AMOTL2: variants seen among roughly 807,000 people sequenced by gnomAD.
AMOTL2 encodes angiomotin like 2.
In AMOTL2, 33 loss-of-function variants were observed where a neutral mutation model predicts 78.4. That is an observed-to-expected ratio of 0.42 (90% CI 0.32 to 0.56). The LOEUF (loss-of-function observed/expected upper bound fraction) is 0.56. Among genes scored for constraint, AMOTL2 ranks in the 20% least tolerant of loss-of-function variants. The pLI is 0.12. For missense variants in AMOTL2, 983 were observed against 1,030.1 expected (o/e 0.95, Z 0.63); for synonymous variants, 422 against 428.8 (o/e 0.98, Z 0.20).
At chr3:134,360,756 A>G (rs2017319733) in intron 6 of AMOTL2, among the ~76,000 whole-genome samples, 1 of 152,176 alleles carries the variant, frequency 6.6e-6, no homozygotes, top group Non-Finnish European at 1.5e-5. Flanking sequence ...TAGGTTTGGG[A>G]GTGGAGAAAT....
chr3:134,373,477 C>T (rs2017957308), intron 1 of AMOTL2: 2 of 985,536 alleles, frequency 2.0e-6, no homozygotes, highest in Non-Finnish European at 2.4e-6. Context: ...AACGCCTGGG[C>T]CTTTACAAAA....
At position 134,370,694 on chromosome 3, in the gene AMOTL2, A is replaced by T. The variant is rs764889116; in HGVS notation, c.734+6T>A. 3 of 1,508,232 alleles carry T rather than the reference A, an allele frequency of 2.0e-6. No homozygotes were observed. 93.4% of individuals were successfully genotyped at this position (1,508,232 alleles called of 1,614,324 possible). A position where few individuals can be genotyped will look rare whatever the true frequency, so the allele number is the denominator to read the frequency against. ...GAGTTGGAAAGCCCAAGGTGGGGAG[A>T]GTTACCTGACTTCAGCATGCTGGAA... On this transcript the variant is annotated splice_donor_region_variant and intron_variant, in intron 2 of 9. Coordinates refer to ENST00000249883, the MANE Select transcript of AMOTL2 (RefSeq NM_016201.4).
chr3:134,364,944 C>T (rs962649807), intron 5 of AMOTL2, among the ~76,000 whole-genome samples: 15 of 152,116 alleles, frequency 9.9e-5, no homozygotes, highest in Admixed American at 8.5e-4. Context: ...TGCTGCTGAG[C>T]TCAGGGCTCC....
At chr3:134,362,368 G>A (rs1463097752) in intron 5 of AMOTL2, among the ~76,000 whole-genome samples, 1 of 152,162 alleles carries the variant, frequency 6.6e-6, no homozygotes, top group African/African-American at 2.4e-5. Context: ...AACTTATAGG[G>A]GAGAAACATA....
In AMOTL2 at chr3:134,361,424, CCCTGGCCTCCAAA is replaced by C. The variant is rs1373120991; in HGVS notation, c.1575+75_1575+87del. ...TAAGCAGGGGCTCCCGGGGCCTCAG[CCCTGGCCTCCAAA>C]CCTACAGTCCCCGAGGAGGAAGGGA... is the stretch of plus-strand genomic sequence containing the variant. On this transcript the variant is annotated intron_variant, in intron 6 of 9. Coordinates refer to ENST00000249883, the MANE Select transcript of AMOTL2 (RefSeq NM_016201.4). 2.8e-6 allele frequency: 4 copies of C among 1,438,032 alleles called. No individual in the cohort carries two copies. In the African/African-American group the frequency reaches 5.7e-5, roughly 20 times the overall value. 89.1% of individuals were successfully genotyped at this position (1,438,032 alleles called of 1,614,324 possible).
At chr3:134,372,939 T>C (rs1413393744) in intron 1 of AMOTL2, among the ~76,000 whole-genome samples, 5 of 15,410 alleles carry the variant, frequency 3.2e-4, no homozygotes, top group African/African-American at 1.4e-3. Context: ...TGGGCAGGGG[T>C]TGGGGGGGTG....
At chr3:134,371,696 T>C in intron 1 of AMOTL2, 1 of 802,446 alleles carries the variant, frequency 1.2e-6, no homozygotes, top group South Asian at 3.2e-5. Flanking sequence ...TCTCTGAGCC[T>C]CAGTTTCTCC....
chr3:134,371,821 A>C, intron 1 of AMOTL2: 1 of 283,726 alleles, frequency 3.5e-6, no homozygotes, highest in African/African-American at 2.1e-5. Flanking sequence ...ACTAATGATA[A>C]CATTCATGGA....
At chr3:134,369,383 C>T (rs1189687604) in intron 2 of AMOTL2, among the ~76,000 whole-genome samples, 1 of 152,212 alleles carries the variant, frequency 6.6e-6, no homozygotes, top group Non-Finnish European at 1.5e-5. Flanking sequence ...ACTTGCTTTC[C>T]TTTCTCCTCG....
rs2017078028 is a variant in AMOTL2 at position 134,356,320 on chromosome 3, A to T, written c.*1385T>A. Reference sequence around the variant, plus strand: ...CAAACCTAAAAACGATAAAGGAAGAAAACAAAGAATCAAGGAGAACTAAAA... The same window carrying T: ...CAAACCTAAAAACGATAAAGGAAGATAACAAAGAATCAAGGAGAACTAAAA... On this transcript the variant is annotated 3_prime_UTR_variant, in exon 10 of 10. Transcript: ENST00000249883. 6.6e-6 allele frequency: 1 copy of T among 152,612 alleles called. No individual in the cohort carries two copies. The highest frequency in any genetic ancestry group is 2.4e-5 in the African/African-American group (1 of 41,472). The allele number at this position is 152,612 out of a possible 1,614,324, so 9.5% of individuals were successfully genotyped here.
rs754053451 is a variant in AMOTL2 at position 134,358,735 on chromosome 3, G to A, written c.2105-16C>T. On this transcript the variant is annotated splice_polypyrimidine_tract_variant and intron_variant, in intron 8 of 9. Coordinates refer to ENST00000249883, the MANE Select transcript of AMOTL2 (RefSeq NM_016201.4). The stretch of plus-strand genomic sequence containing the variant: ...GCTCTGTCTGCTGGAAAGGTAGGTG[G>A]ATGGTTATTGCCATGCCTGTAAGAT... The A allele has an allele frequency of 4.3e-6, 7 of 1,613,782 alleles. No individual in the cohort carries two copies. The highest frequency in any genetic ancestry group is 5.9e-6 in the Non-Finnish European group (7 of 1,179,946).
In AMOTL2 at chr3:134,367,740, C is replaced by T. The variant is rs758923826; in HGVS notation, c.798G>A (p.Gln266=). Reference sequence around the variant, plus strand: ...GGGGAGGGGGGTGCTCCTGAGATTGCTGCAGGTACTGGTACTGCTGCTGCT... The same window carrying T: ...GGGGAGGGGGGTGCTCCTGAGATTGTTGCAGGTACTGGTACTGCTGCTGCT... ...LQQQQQYQYL[Q]QSQEHPPPPH... Residue 266 remains glutamine (Q), a synonymous_variant, in exon 3 of 10, where the codon CAG becomes CAA. Transcript: ENST00000249883. 7.4e-6 allele frequency: 12 copies of T among 1,613,790 alleles called. No individual in the cohort carries two copies. In the South Asian group the frequency reaches 1.2e-4, roughly 16 times the overall value.
chr3:134,375,050 A>G (rs2018038028), upstream of AMOTL2: 1 of 1,458,394 alleles, frequency 6.9e-7, no homozygotes, highest in East Asian at 2.5e-5. Context: ...TCTTTCCCCT[A>G]ACCCCCGCTG....
chr3:134,366,530 C>A, intron 3 of AMOTL2, 103 bp from the exon 4 acceptor site: 1 of 1,264,458 alleles, frequency 7.9e-7, no homozygotes. Context: ...AGATGAGAGG[C>A]CACCAAACAG....
At chr3:134,361,465 C>T (rs1217411184) in intron 6 of AMOTL2, 47 bp downstream of exon 6, 1 of 1,525,926 alleles carries the variant, frequency 6.6e-7, no homozygotes, top group Non-Finnish European at 8.8e-7. Flanking sequence ...GGAAGGGAAG[C>T]CAACATCCTC....
Position 134,370,997 on chromosome 3 carries a change from G to A in AMOTL2, c.437C>T (p.Ala146Val). ...APGGSRRQDE[A>V]LRELRHGHVR... ...GTGCCCATGCCTCAGCTCCCGCAGGGCCTCGTCCTGCCTCCGACTGCCTCC... is the reference window on the plus strand; with the variant it reads ...GTGCCCATGCCTCAGCTCCCGCAGGACCTCGTCCTGCCTCCGACTGCCTCC... The change falls in exon 2 of 10, where the codon GCC becomes GTC. Residue 146 changes from alanine (A) to valine (V), a missense_variant. Ala to Val is a moderately conservative substitution (Grantham distance 64). Coordinates refer to ENST00000249883, the MANE Select transcript of AMOTL2 (RefSeq NM_016201.4). 1 of 1,602,030 alleles carries A rather than the reference G, an allele frequency of 6.2e-7. No homozygotes were observed. Among genetic ancestry groups the A allele is most frequent in the Non-Finnish European group, 8.5e-7 (1 of 1,174,356 alleles).
At chr3:134,364,035 G>A (rs1440905790) in intron 5 of AMOTL2, among the ~76,000 whole-genome samples, 1 of 152,172 alleles carries the variant, frequency 6.6e-6, no homozygotes, top group Non-Finnish European at 1.5e-5. Flanking sequence ...GGAAGAGGAC[G>A]CCCGAAGGCC....
chr3:134,373,881 CAG>C, intron 1 of AMOTL2: 3 of 963,752 alleles, frequency 3.1e-6, no homozygotes, highest in Non-Finnish European at 3.7e-6. Context: ...TTCGTGGCTC[CAG>C]AGAGGATTTT....
At chr3:134,364,906 T>G (rs1272529717) in intron 5 of AMOTL2, among the ~76,000 whole-genome samples, 1 of 152,160 alleles carries the variant, frequency 6.6e-6, no homozygotes, top group East Asian at 1.9e-4. Context: ...ATAACTGTTC[T>G]TAGTCTCTTC....
Sources: allele counts gnomAD v4.1 joint callset (sites outside exome capture counted in the v4.1 genomes callset), GRCh38; gene constraint gnomAD v4.1.1; transcripts MANE v1.5; gene names NCBI Gene and HGNC (gene_info 2026-07-23, HGNC 2026-07-21).